Variants in C6 observed in about 807,000 individuals in gnomAD.
The protein encoded by C6 is complement component C6.
Under a neutral mutation model 112.9 loss-of-function variants are expected in C6, and 101 were observed. The ratio of observed to expected loss-of-function variants is 0.89; its 90% confidence interval spans 0.76 to 1.06. The LOEUF is 1.06. C6 is among the 50% of genes least tolerant of loss of function. The pLI is 0.00. For missense variants in C6, 1,202 were observed against 1,104.6 expected (o/e 1.09, Z -1.25); for synonymous variants, 431 against 384.1 (o/e 1.12, Z -1.43).
At chr5:41,147,105 C>T (rs1475010028) in intron 17 of C6, among the ~76,000 whole-genome samples, 1 of 152,010 alleles carries the variant, frequency 6.6e-6, no homozygotes, top group East Asian at 1.9e-4. Flanking sequence ...GTATTTTTGA[C>T]AATAATGTTC....
chr5:41,190,451 A>T (rs934005406), intron 5 of C6, among the ~76,000 whole-genome samples: 1 of 151,846 alleles, frequency 6.6e-6, no homozygotes, highest in African/African-American at 2.4e-5. Flanking sequence ...GTTAAATTGG[A>T]TTATTTATTT....
intron 1 of C6, among the ~76,000 whole-genome samples, chr5:41,242,919 G>A (rs1200576792): frequency 6.6e-6 from 1 of 151,346 alleles, no homozygotes; most frequent in African/African-American, 2.4e-5. Context: ...ATACTGTGTG[G>A]TTTAACTTAC....
In C6 at chr5:41,159,081, C is replaced by G. The variant is rs111663292; in HGVS notation, c.1856+1G>C. 1.2e-6 allele frequency: 2 copies of G among 1,613,648 alleles called. No individual in the cohort carries two copies. Among genetic ancestry groups the G allele is most frequent in the Non-Finnish European group, 1.7e-6 (2 of 1,179,676 alleles). Reference sequence around the variant, plus strand: ...CATTCTTTTCCCTTACCCGGCCTTACTTGTTTTCCATGATTGAAAATGTGC... The same window carrying G: ...CATTCTTTTCCCTTACCCGGCCTTAGTTGTTTTCCATGATTGAAAATGTGC... On this transcript the variant is annotated splice_donor_variant, in intron 12 of 17. Coordinates refer to ENST00000337836, the MANE Select transcript of C6 (RefSeq NM_000065.5). LOFTEE classifies it high-confidence loss of function.
In C6 at chr5:41,186,208, C is replaced by T. The variant is rs1025568294; in HGVS notation, c.588G>A (p.Gly196=). The change falls in exon 6 of 18, where the codon GGG becomes GGA. Residue 196 remains glycine (G), a splice_region_variant and synonymous_variant. Coordinates refer to ENST00000337836, the MANE Select transcript of C6 (RefSeq NM_000065.5). ...TGGGCTCTCCTGCCAGAAAATGAAA[C>T]CTAGAAACAAAGTAATTTTCAGGAA... The part of the protein sequence containing the change: ...PIPSVQLMGN[G]FHFLAGEPRG... The T allele has an allele frequency of 6.2e-7, 1 of 1,613,676 alleles. No homozygotes were observed.
chr5:41,196,145 G>A, intron 4 of C6, among the ~76,000 whole-genome samples: 1 of 152,036 alleles, frequency 6.6e-6, no homozygotes, highest in Non-Finnish European at 1.5e-5. Flanking sequence ...GAATTATTTA[G>A]TTGCTGATTG....
intron 5 of C6, among the ~76,000 whole-genome samples, chr5:41,189,880 T>G (rs1440651596): frequency 6.6e-6 from 1 of 152,154 alleles, no homozygotes; most frequent in Non-Finnish European, 1.5e-5. Flanking sequence ...ATGTTTTTGT[T>G]TCTGGCTTAT....
At chr5:41,177,877 A>G (rs1201628444) in intron 7 of C6, among the ~76,000 whole-genome samples, 1 of 152,128 alleles carries the variant, frequency 6.6e-6, no homozygotes, top group Non-Finnish European at 1.5e-5. Flanking sequence ...CATTAATTCT[A>G]TTTTTAAGTT....
rs1427226081 is a variant in C6 at position 41,142,866 on chromosome 5, T to A, written c.2764A>T (p.Arg922Trp). 1.9e-6 allele frequency: 3 copies of A among 1,613,558 alleles called. No individual in the cohort carries two copies. Among genetic ancestry groups the A allele is most frequent in the Non-Finnish European group, 2.5e-6 (3 of 1,179,718 alleles). Residue 922 changes from arginine to tryptophan, a missense_variant, in exon 18 of 18, where the codon AGG becomes TGG. By Grantham distance (101) the Arg-to-Trp change is moderately radical. Transcript: ENST00000337836. ...CEVGTIRCAN[R>W]KMEILHPGKC... ...CCAGGATGCAGTATTTCCATCTTCC[T>A]GTTTGCACATCTTATAGTTCCCACT...
At chr5:41,243,565 C>G (rs189429992) in intron 1 of C6, among the ~76,000 whole-genome samples, 4 of 152,230 alleles carry the variant, frequency 2.6e-5, no homozygotes, top group East Asian at 1.9e-4. Context: ...TCTTTGGGAA[C>G]AATGAGACTA....
chr5:41,250,680 T>A (rs1210423085), intron 1 of C6, among the ~76,000 whole-genome samples: 2 of 152,130 alleles, frequency 1.3e-5, no homozygotes, highest in Non-Finnish European at 2.9e-5. Context: ...TAGAATGAGA[T>A]CACATAGAGT....
At chr5:41,163,773 T>C (rs1296775748) in intron 9 of C6, among the ~76,000 whole-genome samples, 2 of 152,370 alleles carry the variant, frequency 1.3e-5, no homozygotes, top group East Asian at 3.9e-4. Flanking sequence ...TAAAAATGTA[T>C]AAATTAGTGA....
chr5:41,221,900 C>T (rs918083226), intron 1 of C6, among the ~76,000 whole-genome samples: 1 of 152,120 alleles, frequency 6.6e-6, no homozygotes, highest in Non-Finnish European at 1.5e-5. Flanking sequence ...CGTGGTGGCT[C>T]ACACCTGTAA....
intron 9 of C6, among the ~76,000 whole-genome samples, chr5:41,165,557 C>A (rs891488400): frequency 6.6e-6 from 1 of 151,950 alleles, no homozygotes; most frequent in Non-Finnish European, 1.5e-5. Flanking sequence ...AAAATATGTT[C>A]TTTTGTGAAG....
rs143412393 is a variant in C6, at chr5:41,181,648, T to G, written c.727-89A>C. The G allele has an allele frequency of 2.4e-4, 257 of 1,085,630 alleles. 1 individual carries two copies. The African/African-American group carries it at 3.4e-3, about 14-fold the overall frequency. 67.2% of individuals were successfully genotyped at this position (1,085,630 alleles called of 1,614,324 possible). A position where few individuals can be genotyped will look rare whatever the true frequency, so the allele number is the denominator to read the frequency against. On this transcript the variant is annotated intron_variant, in intron 6 of 17. Coordinates refer to ENST00000337836, the MANE Select transcript of C6 (RefSeq NM_000065.5). ...CTAATGAAATGATGATTTATTTATT[T>G]ATGCACTCAGCCAGTATTTATTGAG... is the stretch of plus-strand genomic sequence containing the variant.
At chr5:41,162,753 G>A (rs934321051) in intron 9 of C6, among the ~76,000 whole-genome samples, 17 of 152,154 alleles carry the variant, frequency 1.1e-4, no homozygotes, top group Non-Finnish European at 2.4e-4. Flanking sequence ...GAATGATTAG[G>A]AAATGGATGC....
intron 8 of C6, among the ~76,000 whole-genome samples, chr5:41,173,484 A>T (rs1287666913): frequency 6.6e-6 from 1 of 152,118 alleles, no homozygotes; most frequent in East Asian, 1.9e-4. Flanking sequence ...CAGGCACCTG[A>T]CTCACTGCTG....
intron 6 of C6, among the ~76,000 whole-genome samples, chr5:41,182,414 T>C (rs1401343873): frequency 2.0e-5 from 3 of 152,310 alleles, no homozygotes; most frequent in Middle Eastern, 3.4e-3. Flanking sequence ...AGTATTGATA[T>C]TGCAGTGTAA....
At chr5:41,207,954 C>T (rs1751572232) in intron 1 of C6, among the ~76,000 whole-genome samples, 1 of 152,266 alleles carries the variant, frequency 6.6e-6, no homozygotes. Flanking sequence ...AGCACTTATT[C>T]CAAAATTGAC....
intron 9 of C6, among the ~76,000 whole-genome samples, chr5:41,171,702 T>G (rs190538445): frequency 6.6e-6 from 1 of 152,236 alleles, no homozygotes; most frequent in Non-Finnish European, 1.5e-5. Context: ...TCAGTATTTT[T>G]TTGCCTGGAT....
Sources: allele counts gnomAD v4.1 joint callset (sites outside exome capture counted in the v4.1 genomes callset), GRCh38; gene constraint gnomAD v4.1.1; transcripts MANE v1.5; gene names NCBI Gene and HGNC (gene_info 2026-07-23, HGNC 2026-07-21).